Variants in ST8SIA1 observed in about 807,000 individuals in gnomAD.
ST8SIA1 encodes alpha-N-acetylneuraminide alpha-2,8-sialyltransferase.
In ST8SIA1, 16 loss-of-function variants were observed where a neutral mutation model predicts 35.9. The observed-to-expected ratio is 0.45, with a 90% CI of 0.30 to 0.68. The LOEUF (loss-of-function observed/expected upper bound fraction) is 0.68, where lower values mean the gene tolerates loss of function less well. Among genes scored for constraint, ST8SIA1 ranks in the 30% least tolerant of loss-of-function variants. The pLI is 0.09. For synonymous variants in ST8SIA1, 170 were observed against 169.6 expected (o/e 1.00, Z -0.02); for missense variants, 383 against 453.6 (o/e 0.84, Z 1.41).
At chr12:22,299,649 GA>G (rs1866294094) in intron 1 of ST8SIA1, among the ~76,000 whole-genome samples, 1 of 152,080 alleles carries the variant, frequency 6.6e-6, no homozygotes, top group African/African-American at 2.4e-5. Context: ...TGATGTAAAA[GA>G]ACACTAATAC....
At chr12:22,258,326 G>A (rs576313428) in intron 2 of ST8SIA1, among the ~76,000 whole-genome samples, 1 of 152,184 alleles carries the variant, frequency 6.6e-6, no homozygotes, top group South Asian at 2.1e-4. Context: ...ATATCAAGTA[G>A]GGAAGTGAAT....
intron 4 of ST8SIA1, among the ~76,000 whole-genome samples, chr12:22,208,135 CAAAAA>C (rs71053390): frequency 1.0e-5 from 1 of 97,838 alleles, no homozygotes. Context: ...GTCTGTCTCA[CAAAAA>C]AAAAAAAAAA....
In ST8SIA1 at chr12:22,200,355, T is replaced by G. The variant is rs1420862044; in HGVS notation, c.*1197A>C. 6.6e-6 allele frequency: 1 copy of G among 152,242 alleles called. No homozygotes were observed. The highest frequency in any genetic ancestry group is 1.5e-5 in the Non-Finnish European group (1 of 68,040). The allele number at this position is 152,242 out of a possible 1,614,324, so 9.4% of individuals were successfully genotyped here. A position where few individuals can be genotyped will look rare whatever the true frequency, so the allele number is the denominator to read the frequency against. ...CAAATTTTTGCCATACCAGGTCATA[T>G]GAGTTCAGCTTTCATAGTTGCACAG... On this transcript the variant is annotated 3_prime_UTR_variant, in exon 5 of 5. Transcript: ENST00000396037.
At chr12:22,317,797 A>G (rs979455354) in intron 1 of ST8SIA1, among the ~76,000 whole-genome samples, 1 of 152,232 alleles carries the variant, frequency 6.6e-6, no homozygotes, top group Non-Finnish European at 1.5e-5. Context: ...AGATGACACA[A>G]GGGCATGAAT....
At chr12:22,320,822 T>TA (rs1203960576) in intron 1 of ST8SIA1, among the ~76,000 whole-genome samples, 2 of 76,216 alleles carry the variant, frequency 2.6e-5, no homozygotes, top group Admixed American at 2.9e-4. Context: ...GAGAAAGACC[T>TA]AAAAAAAAGA....
chr12:22,312,424 G>GTTTA (rs1866461171), intron 1 of ST8SIA1, among the ~76,000 whole-genome samples: 1 of 152,280 alleles, frequency 6.6e-6, no homozygotes, highest in African/African-American at 2.4e-5. Flanking sequence ...ACATGTGAGA[G>GTTTA]TTTACCAAGG....
intron 2 of ST8SIA1, among the ~76,000 whole-genome samples, chr12:22,277,174 C>G (rs1865979489): frequency 6.6e-6 from 1 of 152,112 alleles, no homozygotes; most frequent in Non-Finnish European, 1.5e-5. Context: ...CTAGCTGCTC[C>G]TTGTCCTTCA....
intron 4 of ST8SIA1, among the ~76,000 whole-genome samples, chr12:22,230,947 A>G (rs7311793): frequency 0.78 from 118,188 of 151,894 alleles, 46,214 homozygotes; most frequent in South Asian, 0.93. Flanking sequence ...TGCCTCTGCC[A>G]ATTCTGATGC....
intron 2 of ST8SIA1, among the ~76,000 whole-genome samples, chr12:22,277,357 A>C (rs186628227): frequency 6.6e-6 from 1 of 150,496 alleles, no homozygotes; most frequent in Non-Finnish European, 1.5e-5. Flanking sequence ...GCAAATTCAT[A>C]ATAGTGAACT....
intron 4 of ST8SIA1, among the ~76,000 whole-genome samples, chr12:22,225,906 G>A (rs1490176273): frequency 6.6e-6 from 1 of 152,082 alleles, no homozygotes; most frequent in African/African-American, 2.4e-5. Flanking sequence ...AATTGGCCGT[G>A]GGGGCGGCAC....
intron 4 of ST8SIA1, among the ~76,000 whole-genome samples, chr12:22,232,701 T>C (rs187842568): frequency 6.6e-6 from 1 of 152,152 alleles, no homozygotes; most frequent in East Asian, 1.9e-4. Flanking sequence ...AGGCCGGACA[T>C]GGTGGCGCAT....
intron 2 of ST8SIA1, among the ~76,000 whole-genome samples, chr12:22,275,312 G>A (rs1418357008): frequency 6.6e-6 from 1 of 152,232 alleles, no homozygotes; most frequent in Non-Finnish European, 1.5e-5. Flanking sequence ...CCAACAATTT[G>A]AGAGGCCAAG....
chr12:22,206,852 G>A (rs950881543), intron 4 of ST8SIA1, among the ~76,000 whole-genome samples: 55 of 152,282 alleles, frequency 3.6e-4, no homozygotes, highest in Admixed American at 1.4e-3. Flanking sequence ...AAGGGGCAGA[G>A]GAAACCTCTT....
intron 4 of ST8SIA1, among the ~76,000 whole-genome samples, chr12:22,239,863 C>A (rs1865520434): frequency 6.6e-6 from 1 of 152,160 alleles, no homozygotes; most frequent in East Asian, 1.9e-4. Flanking sequence ...ATATGGGACA[C>A]CCTCAACATG....
chr12:22,247,965 C>A lies in ST8SIA1; in HGVS notation c.584+1041G>T, dbSNP rs555523415. 3.3e-5 allele frequency among the ~76,000 whole-genome samples: 5 copies of A among 152,076 alleles called. No homozygotes were observed. The South Asian group carries it at 8.3e-4, about 25-fold the overall frequency. On this transcript the variant is annotated intron_variant, in intron 4 of 4. Coordinates refer to ENST00000396037, the MANE Select transcript of ST8SIA1 (RefSeq NM_003034.4). ...AGCTCTTATTATATTCAGAAAAATG[C>A]AAATTAAGTAGAATATAATGTATCC...
chr12:22,259,961 CAG>C (rs1565580164), intron 2 of ST8SIA1, among the ~76,000 whole-genome samples: 1 of 152,030 alleles, frequency 6.6e-6, no homozygotes, highest in Non-Finnish European at 1.5e-5. Context: ...ACTATTTTAA[CAG>C]AGAATATTTT....
intron 4 of ST8SIA1, among the ~76,000 whole-genome samples, chr12:22,247,948 T>A (rs1488063728): frequency 6.6e-6 from 1 of 152,194 alleles, no homozygotes; most frequent in Non-Finnish European, 1.5e-5. Context: ...TCAGCTCTTA[T>A]TATATTCAGA....
chr12:22,255,507 G>C, intron 2 of ST8SIA1, 118 bp from the exon 3 acceptor site: 1 of 854,762 alleles, frequency 1.2e-6, no homozygotes, highest in Non-Finnish European at 1.9e-6. Context: ...CAGCAAAAAA[G>C]AGCATGTGAA....
At chr12:22,220,693 A>G (rs1004970669) in intron 4 of ST8SIA1, among the ~76,000 whole-genome samples, 16 of 152,234 alleles carry the variant, frequency 1.1e-4, no homozygotes, top group Non-Finnish European at 2.2e-4. Flanking sequence ...TATTTCATTC[A>G]TTTAAAACGC....
Sources: allele counts gnomAD v4.1 joint callset (sites outside exome capture counted in the v4.1 genomes callset), GRCh38; gene constraint gnomAD v4.1.1; transcripts MANE v1.5; gene names NCBI Gene and HGNC (gene_info 2026-07-23, HGNC 2026-07-21).